Variants in TMIGD3 observed in about 807,000 individuals in gnomAD.
The protein encoded by TMIGD3 is transmembrane and immunoglobulin domain containing 3.
Under a neutral mutation model 28.1 loss-of-function variants are expected in TMIGD3, and 21 were observed. That is an observed-to-expected ratio of 0.75 (90% confidence interval 0.53 to 1.08). The LOEUF is 1.08. Among genes scored for constraint, TMIGD3 ranks in the 50% least tolerant of loss-of-function variants. The pLI is 0.00. For missense variants in TMIGD3, 416 were observed against 435.6 expected, an observed-to-expected ratio of 0.96 and a Z score of 0.40; for synonymous variants, 151 against 162.1, an observed-to-expected ratio of 0.93 and a Z score of 0.52.
At chr1:111,563,056 G>C (rs890212249) in intron 1 of TMIGD3, among the ~76,000 whole-genome samples, 1 of 152,184 alleles carries the variant, frequency 6.6e-6, no homozygotes, top group Admixed American at 6.5e-5. Context: ...AAGGCTTAAA[G>C]AGAGTAAGCA....
chr1:111,533,802 A>C (rs142978473), intron 1 of TMIGD3, among the ~76,000 whole-genome samples: 2 of 152,150 alleles, frequency 1.3e-5, no homozygotes, highest in East Asian at 3.9e-4. Context: ...TGATCCACCC[A>C]CCTCGGCCCC....
chr1:111,541,945 A>C (rs2101024780), intron 1 of TMIGD3, among the ~76,000 whole-genome samples: 1 of 152,326 alleles, frequency 6.6e-6, no homozygotes, highest in Middle Eastern at 3.4e-3. Context: ...CTGCCTTCAA[A>C]AGAAACAACT....
chr1:111,552,075 T>C, intron 1 of TMIGD3, among the ~76,000 whole-genome samples: 1 of 152,254 alleles, frequency 6.6e-6, no homozygotes, highest in Non-Finnish European at 1.5e-5. Flanking sequence ...CTGTTATCCA[T>C]TGTCTCAGTA....
In TMIGD3 at chr1:111,492,235, C is replaced by A. The variant is rs537244954; in HGVS notation, c.351-1473G>T. Among the ~76,000 whole-genome samples the A allele has an allele frequency of 2.6e-5, 4 of 152,306 alleles. No homozygotes were observed. In the South Asian group the frequency reaches 8.3e-4, roughly 32 times the overall value. Reference sequence around the variant, plus strand: ...CCCTCATGAGACACCATGCATTAACCACCCAACCAAAATGCCCCCTGAATT... The same window carrying A: ...CCCTCATGAGACACCATGCATTAACAACCCAACCAAAATGCCCCCTGAATT... On this transcript the variant is annotated intron_variant, in intron 1 of 5. Transcript: ENST00000369716.
rs1356392886 is a variant in TMIGD3, at chr1:111,563,785, G to A, written c.107+61C>T. On this transcript the variant is annotated intron_variant, in intron 1 of 5. Transcript: ENST00000369717. ...ATGAATAAATGTTCCAAAGTGGTCA[G>A]TATGCAGACTCAGACCCCAACCTCT... 10 of 1,276,450 alleles carry A rather than the reference G, an allele frequency of 7.8e-6. No homozygotes were observed. In the Admixed American group the frequency reaches 1.7e-4, roughly 22 times the overall value. 79.1% of individuals were successfully genotyped at this position (1,276,450 alleles called of 1,614,324 possible).
intron 1 of TMIGD3, among the ~76,000 whole-genome samples, chr1:111,550,298 T>G (rs1657209118): frequency 2.0e-5 from 3 of 152,204 alleles, no homozygotes; most frequent in Admixed American, 2.0e-4. Flanking sequence ...ATTGATTTTC[T>G]CTAATATTTT....
chr1:111,504,397 C>A (rs1655401451), upstream of TMIGD3, among the ~76,000 whole-genome samples: 1 of 152,216 alleles, frequency 6.6e-6, no homozygotes, highest in Non-Finnish European at 1.5e-5. Context: ...AGCCTCAGCC[C>A]CATCCCCGCA....
intron 1 of TMIGD3, chr1:111,499,300 G>T: frequency 2.7e-6 from 1 of 375,546 alleles, no homozygotes; most frequent in South Asian, 1.1e-4. Flanking sequence ...GGATCAGGGT[G>T]TTCTGGGGCT....
At chr1:111,537,051 C>T (rs762546933) in intron 1 of TMIGD3, among the ~76,000 whole-genome samples, 3 of 152,222 alleles carry the variant, frequency 2.0e-5, no homozygotes, top group Non-Finnish European at 4.4e-5. Context: ...TTTCCTGCAA[C>T]CACCTTAGCT....
chr1:111,532,784 G>A (rs573558298), intron 1 of TMIGD3, among the ~76,000 whole-genome samples: 14 of 152,130 alleles, frequency 9.2e-5, no homozygotes, highest in African/African-American at 2.9e-4. Context: ...GGAAGGCCCC[G>A]GCATGAAAGG....
chr1:111,535,729 G>A (rs967558328), intron 1 of TMIGD3, among the ~76,000 whole-genome samples: 1 of 152,138 alleles, frequency 6.6e-6, no homozygotes, highest in Non-Finnish European at 1.5e-5. Flanking sequence ...TTACAACAAT[G>A]ACTGGCCAGG....
At chr1:111,537,787 A>G (rs1378306933) in intron 1 of TMIGD3, among the ~76,000 whole-genome samples, 1 of 152,256 alleles carries the variant, frequency 6.6e-6, no homozygotes, top group Non-Finnish European at 1.5e-5. Flanking sequence ...GGTATGCCTA[A>G]TCTAGAATAA....
chr1:111,527,529 G>T (rs1557836362), intron 1 of TMIGD3, among the ~76,000 whole-genome samples: 1 of 152,096 alleles, frequency 6.6e-6, no homozygotes, highest in Non-Finnish European at 1.5e-5. Flanking sequence ...ATACCCCTAG[G>T]AACATGATTG....
chr1:111,524,962 T>TA (rs1267363658), intron 1 of TMIGD3, among the ~76,000 whole-genome samples: 1 of 152,224 alleles, frequency 6.6e-6, no homozygotes, highest in East Asian at 1.9e-4. Context: ...GTAGATTATT[T>TA]AAAAATGTGT....
intron 1 of TMIGD3, among the ~76,000 whole-genome samples, chr1:111,529,890 T>G (rs1233042467): frequency 6.7e-6 from 1 of 148,804 alleles, no homozygotes; most frequent in Non-Finnish European, 1.5e-5. Flanking sequence ...TGGGTACACC[T>G]CCCAGACGGG....
At chr1:111,530,108 A>T (rs1485215467) in intron 1 of TMIGD3, among the ~76,000 whole-genome samples, 1 of 152,144 alleles carries the variant, frequency 6.6e-6, no homozygotes, top group Non-Finnish European at 1.5e-5. Context: ...TGAGTATTTT[A>T]AATGATTCTG....
At chr1:111,546,915 A>G (rs915421806) in intron 1 of TMIGD3, among the ~76,000 whole-genome samples, 8 of 152,170 alleles carry the variant, frequency 5.3e-5, no homozygotes, top group Admixed American at 1.3e-4. Flanking sequence ...TAATTTCTCC[A>G]TATCGTCACC....
chr1:111,517,025 A>C (rs1277043528), intron 1 of TMIGD3, among the ~76,000 whole-genome samples: 1 of 152,162 alleles, frequency 6.6e-6, no homozygotes, highest in African/African-American at 2.4e-5. Flanking sequence ...GTCCCAGACT[A>C]TTATGGCCCC....
chr1:111,499,722 G>T, intron 1 of TMIGD3: 1 of 1,366,122 alleles, frequency 7.3e-7, no homozygotes, highest in Non-Finnish European at 9.5e-7. Flanking sequence ...TTGTCCCCAA[G>T]TCAGGCCTCC....
Sources: gnomAD v4.1 joint callset for allele counts (sites outside exome capture counted in the v4.1 genomes callset) on GRCh38, gnomAD v4.1.1 for gene constraint, MANE v1.5 for transcripts, NCBI Gene and HGNC (gene_info 2026-07-23, HGNC 2026-07-21) for gene names.